The following CD302 variants were observed in gnomAD, a reference collection of about 807,000 sequenced individuals.
CD302 encodes CD302 molecule, also known as CD302 antigen.
CD302 carries 23 observed loss-of-function variants against 26.5 expected under a neutral mutation model. The ratio of observed to expected loss-of-function variants is 0.87; its 90% CI spans 0.62 to 1.23. The LOEUF is 1.23. CD302 is among the 50% of genes most tolerant of loss of function. The pLI, the probability that CD302 is intolerant of heterozygous loss-of-function variation, is 0.00. For missense variants in CD302, 290 were observed against 275.5 expected (o/e 1.05, Z -0.37); for synonymous variants, 90 against 99.4 (o/e 0.91, Z 0.56).
Position 159,798,186 on chromosome 2 carries a change from C to T in CD302, c.13G>A (p.Ala5Thr), listed in dbSNP as rs374135673. The change falls in exon 1 of 6, where the codon GCG (alanine) becomes ACG (threonine). Residue 5 changes from alanine to threonine, a missense_variant. Physicochemically the swap from Ala to Thr is moderately conservative, Grantham distance 58. Transcript: ENST00000259053. MLRAALPALLLPLLG... is the reference protein window; with the variant it reads MLRATLPALLLPLLG... The stretch of plus-strand genomic sequence containing the variant: ...AACGGCAGCAGGAGCGCGGGCAGCG[C>T]GGCCCGGAGCATGACGGCGGGTGCG... 2.6e-5 allele frequency: 38 copies of T among 1,468,122 alleles called. No individual in the cohort carries two copies. In the East Asian group the frequency reaches 7.8e-4, roughly 30 times the overall value. 90.9% of individuals were successfully genotyped at this position (1,468,122 alleles called of 1,614,324 possible). A position where few individuals can be genotyped will look rare whatever the true frequency, so the allele number is the denominator to read the frequency against.
intron 5 of CD302, among the ~76,000 whole-genome samples, chr2:159,776,933 A>C (rs955774080): frequency 5.9e-5 from 9 of 152,136 alleles, no homozygotes. Flanking sequence ...TGTTTTAAAA[A>C]TTCCTACCAA....
chr2:159,789,745 C>T (rs1029140803), intron 1 of CD302, among the ~76,000 whole-genome samples: 7 of 152,268 alleles, frequency 4.6e-5, no homozygotes, highest in African/African-American at 1.4e-4. Context: ...CAGTTGAAAG[C>T]CTGGATATTA....
intron 5 of CD302, among the ~76,000 whole-genome samples, chr2:159,775,891 CTT>C (rs70997201): frequency 6.8e-6 from 1 of 146,450 alleles, no homozygotes; most frequent in Non-Finnish European, 1.5e-5. Flanking sequence ...GCTTATTTTT[CTT>C]TTTTTTTTGT....
chr2:159,781,224 T>C (rs1348129723), intron 2 of CD302, among the ~76,000 whole-genome samples: 2 of 152,320 alleles, frequency 1.3e-5, no homozygotes, highest in East Asian at 3.9e-4. Flanking sequence ...TGTCTCAGTA[T>C]ACTTTACATA....
chr2:159,798,018 C>T, intron 1 of CD302, 114 bp downstream of exon 1: 1 of 1,008,770 alleles, frequency 9.9e-7, no homozygotes. Flanking sequence ...GGATGGCCGG[C>T]CGGGTGTTGC....
Position 159,777,965 on chromosome 2 carries a change from C to A in CD302, c.470-1G>T. The A allele has an allele frequency of 1.0e-6, 1 of 965,624 alleles. No homozygotes were observed. The highest frequency in any genetic ancestry group is 1.5e-6 in the Non-Finnish European group (1 of 674,480). The allele number at this position is 965,624 out of a possible 1,614,324, so 59.8% of individuals were successfully genotyped here. A position where few individuals can be genotyped will look rare whatever the true frequency, so the allele number is the denominator to read the frequency against. On this transcript the variant is annotated splice_acceptor_variant, in intron 4 of 5. Transcript: ENST00000259053. LOFTEE classifies it high-confidence loss of function. ...GATAAATATTTCCTTTTGTATGGGA[C>A]TAAAATACAAAAGAAAATAAAAATT...
At chr2:159,791,616 T>C (rs1708809207) in intron 1 of CD302, among the ~76,000 whole-genome samples, 1 of 152,222 alleles carries the variant, frequency 6.6e-6, no homozygotes, top group Non-Finnish European at 1.5e-5. Flanking sequence ...CAATAATAAC[T>C]ATCCTTCTGT....
intron 3 of CD302, among the ~76,000 whole-genome samples, chr2:159,780,504 T>C (rs1419931282): frequency 6.6e-6 from 1 of 152,236 alleles, no homozygotes; most frequent in Admixed American, 6.5e-5. Flanking sequence ...ACATATGTAC[T>C]TTTATATTTG....
chr2:159,785,233 C>T (rs1011198411), intron 1 of CD302, among the ~76,000 whole-genome samples: 1 of 152,126 alleles, frequency 6.6e-6, no homozygotes, highest in African/African-American at 2.4e-5. Flanking sequence ...CCTTGGGCTT[C>T]CGAAGTGCTG....
In CD302 at chr2:159,777,927, T is replaced by C; in HGVS notation, c.496+11A>G. On this transcript the variant is annotated intron_variant, in intron 5 of 5. Transcript: ENST00000259053. ...TTGTGGGAAAAATTTAAAGACCAAA[T>C]CATTACTTACCTGATAAATATTTCC... 1 of 1,028,128 alleles carries C rather than the reference T, an allele frequency of 9.7e-7. No homozygotes were observed. The highest frequency in any genetic ancestry group is 1.4e-6 in the Non-Finnish European group (1 of 714,844). The allele number at this position is 1,028,128 out of a possible 1,614,324, so 63.7% of individuals were successfully genotyped here.
At chr2:159,778,442 T>C (rs1366731326) in intron 4 of CD302, among the ~76,000 whole-genome samples, 1 of 152,210 alleles carries the variant, frequency 6.6e-6, no homozygotes, top group African/African-American at 2.4e-5. Flanking sequence ...AAAACAAATA[T>C]TTGAAGTTGA....
chr2:159,786,239 T>C (rs1708660053), intron 1 of CD302, among the ~76,000 whole-genome samples: 1 of 152,138 alleles, frequency 6.6e-6, no homozygotes, highest in Non-Finnish European at 1.5e-5. Flanking sequence ...TTATTTGTCC[T>C]TAAGTAGCTT....
At chr2:159,793,084 C>G (rs996910482) in intron 1 of CD302, among the ~76,000 whole-genome samples, 3 of 152,196 alleles carry the variant, frequency 2.0e-5, no homozygotes, top group Non-Finnish European at 4.4e-5. Context: ...TTGCCATAAT[C>G]CTAATATAAT....
At chr2:159,774,036 GACT>G (rs1448628386) in intron 5 of CD302, among the ~76,000 whole-genome samples, 1 of 151,646 alleles carries the variant, frequency 6.6e-6, no homozygotes, top group African/African-American at 2.4e-5. Flanking sequence ...ATCTCTTTAT[GACT>G]ACATGCTTAA....
intron 1 of CD302, among the ~76,000 whole-genome samples, chr2:159,791,333 G>A (rs778831826): frequency 6.6e-6 from 1 of 152,216 alleles, no homozygotes; most frequent in African/African-American, 2.4e-5. Context: ...CTGATGCCTA[G>A]CCTAGAGTAG....
At chr2:159,787,471 A>G (rs1163492492) in intron 1 of CD302, among the ~76,000 whole-genome samples, 1 of 151,928 alleles carries the variant, frequency 6.6e-6, no homozygotes, top group Non-Finnish European at 1.5e-5. Flanking sequence ...TGTTAATTAT[A>G]TATTCTTTAA....
chr2:159,785,743 A>G (rs1008573993), intron 1 of CD302, among the ~76,000 whole-genome samples: 1 of 152,182 alleles, frequency 6.6e-6, no homozygotes, highest in Non-Finnish European at 1.5e-5. Context: ...GCCATCAAAC[A>G]TTATTCTCTG....
rs367589376 is a variant in CD302 at position 159,781,030 on chromosome 2, C to A, written c.179-32G>T. ...TTATTTTAAAGAGAAAAAAAGTCAG[C>A]ATATTCCAGAATCAGTGAAAATCAC... On this transcript the variant is annotated intron_variant, in intron 2 of 5. Transcript: ENST00000259053. The A allele has an allele frequency of 5.1e-6, 8 of 1,555,054 alleles. No homozygotes were observed. The Admixed American group carries it at 1.4e-4, about 26-fold the overall frequency.
chr2:159,790,420 T>C (rs1708777988), intron 1 of CD302, among the ~76,000 whole-genome samples: 1 of 151,768 alleles, frequency 6.6e-6, no homozygotes. Context: ...AAAAGCACAG[T>C]TACAGGTACC....
Sources: gnomAD v4.1 joint callset for allele counts (sites outside exome capture counted in the v4.1 genomes callset) on GRCh38, gnomAD v4.1.1 for gene constraint, MANE v1.5 for transcripts, NCBI Gene and HGNC (gene_info 2026-07-23, HGNC 2026-07-21) for gene names.